The following DCC variants were observed in gnomAD, a reference collection of about 807,000 sequenced individuals.
The protein encoded by DCC is netrin receptor DCC.
In DCC, 58 loss-of-function variants were observed where a neutral mutation model predicts 172.5. The observed-to-expected ratio is 0.34, with a 90% CI of 0.27 to 0.42. DCC has a LOEUF of 0.42. DCC is among the 10% of genes least tolerant of loss of function. DCC has a pLI of 1.00. For missense variants in DCC, 1,740 were observed against 1,791.0 expected (o/e 0.97, Z 0.51); for synonymous variants, 709 against 644.5 (o/e 1.10, Z -1.52).
At chr18:52,508,589 G>A (rs1403508163) in intron 1 of DCC, among the ~76,000 whole-genome samples, 10 of 152,146 alleles carry the variant, frequency 6.6e-5, no homozygotes, top group Admixed American at 5.2e-4. Context: ...ATTCCACACA[G>A]CATTGACTTT....
intron 5 of DCC, among the ~76,000 whole-genome samples, chr18:52,970,770 A>C (rs533192102): frequency 2.0e-5 from 3 of 152,204 alleles, no homozygotes; most frequent in Non-Finnish European, 4.4e-5. Flanking sequence ...CATGATGAAT[A>C]ACACAATTCC....
At chr18:52,703,858 T>C (rs767812819) in intron 1 of DCC, among the ~76,000 whole-genome samples, 6 of 151,994 alleles carry the variant, frequency 3.9e-5, no homozygotes, top group Non-Finnish European at 7.4e-5. Context: ...CTATTTCCTA[T>C]GCTTAGATTG....
intron 19 of DCC, among the ~76,000 whole-genome samples, chr18:53,409,859 T>C (rs1909879427): frequency 6.6e-6 from 1 of 152,152 alleles, no homozygotes. Context: ...AAGAATCCCA[T>C]ACATAGTCTG....
chr18:53,137,378 ATCC>A (rs970848668), intron 7 of DCC, among the ~76,000 whole-genome samples: 1 of 152,182 alleles, frequency 6.6e-6, no homozygotes, highest in Non-Finnish European at 1.5e-5. Context: ...CCTGATGACT[ATCC>A]TCAGAACTTT....
At chr18:53,382,968 GCT>G (rs1250112728) in intron 15 of DCC, among the ~76,000 whole-genome samples, 2 of 151,924 alleles carry the variant, frequency 1.3e-5, no homozygotes, top group Non-Finnish European at 1.5e-5. Context: ...CATTTTTAAG[GCT>G]TTTTTATTTT....
chr18:52,540,668 G>GC (rs2032415869), intron 1 of DCC, among the ~76,000 whole-genome samples: 1 of 139,468 alleles, frequency 7.2e-6, no homozygotes, highest in African/African-American at 2.7e-5. Context: ...GTGCAGTGGC[G>GC]CTATCTCGGC....
At chr18:53,153,871 G>A (rs2054684276) in intron 7 of DCC, among the ~76,000 whole-genome samples, 1 of 152,150 alleles carries the variant, frequency 6.6e-6, no homozygotes, top group African/African-American at 2.4e-5. Context: ...AAGCCAAGGA[G>A]CTTCCACATA....
chr18:53,437,582 CAAAAAAAAAAAA>C (rs74180424), intron 22 of DCC, among the ~76,000 whole-genome samples: 1 of 20,836 alleles, frequency 4.8e-5, no homozygotes, highest in South Asian at 4.5e-3. Context: ...GGCTCCATCT[CAAAAAAAAAAAA>C]AAAAAAAAAA....
chr18:52,938,989 T>G (rs555191643), intron 5 of DCC, among the ~76,000 whole-genome samples: 1 of 152,182 alleles, frequency 6.6e-6, no homozygotes, highest in East Asian at 1.9e-4. Flanking sequence ...TGTGAAGAGG[T>G]TAATCATGGG....
At chr18:52,344,959 T>C (rs1177226849) in intron 1 of DCC, among the ~76,000 whole-genome samples, 1 of 152,230 alleles carries the variant, frequency 6.6e-6, no homozygotes, top group African/African-American at 2.4e-5. Flanking sequence ...ATGATAGCTC[T>C]AATTACATAA....
At chr18:53,280,293 A>G (rs977428959) in intron 12 of DCC, among the ~76,000 whole-genome samples, 1 of 152,068 alleles carries the variant, frequency 6.6e-6, no homozygotes, top group South Asian at 2.1e-4. Context: ...TTGGAGATTT[A>G]TTTTAGAGTA....
intron 2 of DCC, among the ~76,000 whole-genome samples, chr18:52,860,476 CAAAT>C (rs2039123168): frequency 2.0e-5 from 3 of 152,176 alleles, no homozygotes; most frequent in Admixed American, 6.5e-5. Flanking sequence ...AAATTATAGA[CAAAT>C]AAAAAAACCT....
At chr18:53,420,298 T>C (rs1476784266) in intron 21 of DCC, among the ~76,000 whole-genome samples, 2 of 152,328 alleles carry the variant, frequency 1.3e-5, no homozygotes, top group East Asian at 3.9e-4. Flanking sequence ...AGATCTTCCT[T>C]TTCACATCTC....
intron 1 of DCC, among the ~76,000 whole-genome samples, chr18:52,383,727 A>T (rs1443480943): frequency 1.3e-5 from 2 of 151,914 alleles, no homozygotes; most frequent in Non-Finnish European, 2.9e-5. Context: ...TCATATGATT[A>T]TTGTAATTTT....
At chr18:52,733,092 C>G (rs1174001941) in intron 1 of DCC, among the ~76,000 whole-genome samples, 3 of 152,122 alleles carry the variant, frequency 2.0e-5, no homozygotes, top group Admixed American at 2.0e-4. Context: ...TGTCTGAACA[C>G]ATTTATCCAT....
intron 2 of DCC, among the ~76,000 whole-genome samples, chr18:52,813,933 T>C (rs1031498256): frequency 1.1e-4 from 17 of 152,210 alleles, no homozygotes; most frequent in African/African-American, 4.1e-4. Context: ...TCTCCTGATA[T>C]TCAGGCCTTC....
At chr18:52,477,892 C>T (rs541238930) in intron 1 of DCC, among the ~76,000 whole-genome samples, 1 of 152,200 alleles carries the variant, frequency 6.6e-6, no homozygotes, top group Non-Finnish European at 1.5e-5. Flanking sequence ...TCACTGCAGC[C>T]CCAAACTCCT....
chr18:52,762,226 C>A (rs2037172736), intron 2 of DCC, among the ~76,000 whole-genome samples: 1 of 152,086 alleles, frequency 6.6e-6, no homozygotes, highest in Non-Finnish European at 1.5e-5. Flanking sequence ...GTAATCCCAA[C>A]ATTTGGGAGG....
At chr18:52,389,258 C>A (rs556862422) in intron 1 of DCC, among the ~76,000 whole-genome samples, 1 of 152,210 alleles carries the variant, frequency 6.6e-6, no homozygotes, top group Non-Finnish European at 1.5e-5. Flanking sequence ...GAAGTCCTAC[C>A]TGCCAAATAA....
Sources: gnomAD v4.1 joint callset for allele counts (sites outside exome capture counted in the v4.1 genomes callset) on GRCh38, gnomAD v4.1.1 for gene constraint, MANE v1.5 for transcripts, NCBI Gene and HGNC (gene_info 2026-07-23, HGNC 2026-07-21) for gene names.